Variants in AGBL1 observed in about 807,000 individuals in gnomAD.
The protein encoded by AGBL1 is AGBL carboxypeptidase 1.
A neutral mutation model predicts 118.9 loss-of-function variants in AGBL1; 130 were observed. The ratio of observed to expected loss-of-function variants is 1.09; its 90% CI spans 0.95 to 1.26. The LOEUF is 1.26. AGBL1 is among the 50% of genes most tolerant of loss of function. AGBL1 has a pLI of 0.00. For missense variants in AGBL1, 1,584 were observed against 1,298.1 expected (o/e 1.22, Z -3.38); for synonymous variants, 555 against 478.9 (o/e 1.16, Z -2.08).
Position 86,909,003 on chromosome 15 carries a change from T to A in AGBL1, c.*1709T>A, listed in dbSNP as rs192920852. 5 of 152,386 alleles carry A rather than the reference T, an allele frequency of 3.3e-5. No homozygotes were observed. In the East Asian group the frequency reaches 7.7e-4, roughly 24 times the overall value. The allele number at this position is 152,386 out of a possible 1,614,324, so 9.4% of individuals were successfully genotyped here. A position where few individuals can be genotyped will look rare whatever the true frequency, so the allele number is the denominator to read the frequency against. ...TGCAGTTTTCTGGCTCTACTGTGTGTGCTTCTACTCTTGGTCTAGAATGGC... is the reference window on the plus strand; with the variant it reads ...TGCAGTTTTCTGGCTCTACTGTGTGAGCTTCTACTCTTGGTCTAGAATGGC... On this transcript the variant is annotated 3_prime_UTR_variant, in exon 23 of 23. Transcript: ENST00000614907.
chr15:86,884,824 A>G (rs2079947499), intron 22 of AGBL1, among the ~76,000 whole-genome samples: 1 of 151,924 alleles, frequency 6.6e-6, no homozygotes. Flanking sequence ...AAACAAACAA[A>G]CTATAAAGCA....
chr15:86,888,172 G>T (rs1596594838), intron 22 of AGBL1, among the ~76,000 whole-genome samples: 1 of 151,896 alleles, frequency 6.6e-6, no homozygotes, highest in African/African-American at 2.4e-5. Context: ...GAACTACATG[G>T]ACCAAGACCA....
intron 21 of AGBL1, among the ~76,000 whole-genome samples, chr15:86,628,029 G>A (rs1028277996): frequency 6.6e-6 from 1 of 152,204 alleles, no homozygotes; most frequent in Non-Finnish European, 1.5e-5. Context: ...GGTGTTAAGA[G>A]GGAGTGCCTT....
At chr15:86,199,051 C>T (rs550641119) in intron 5 of AGBL1, among the ~76,000 whole-genome samples, 8 of 152,102 alleles carry the variant, frequency 5.3e-5, no homozygotes, top group African/African-American at 1.2e-4. Flanking sequence ...ACCAAATGCA[C>T]GCATATGTTT....
In AGBL1 at chr15:86,481,483, A is replaced by T. The variant is rs559151404; in HGVS notation, c.2556-41327A>T. On this transcript the variant is annotated intron_variant, in intron 18 of 22. Transcript: ENST00000614907. ...TTATTCTTATAGCTTCTATCTCTGA[A>T]TCCTAAGACATGTTGAGCTTGGGTT... is the stretch of plus-strand genomic sequence containing the variant. Among the ~76,000 whole-genome samples the T allele has an allele frequency of 2.0e-5, 3 of 152,180 alleles. No individual in the cohort carries two copies. In the East Asian group the frequency reaches 5.8e-4, roughly 29 times the overall value.
chr15:86,351,750 A>G (rs1258230155), intron 17 of AGBL1, among the ~76,000 whole-genome samples: 3 of 152,154 alleles, frequency 2.0e-5, no homozygotes, highest in Non-Finnish European at 4.4e-5. Context: ...TCTACCAGAG[A>G]CAAGTAACTT....
intron 17 of AGBL1, among the ~76,000 whole-genome samples, chr15:86,327,727 T>C (rs1353681197): frequency 6.6e-6 from 1 of 152,194 alleles, no homozygotes; most frequent in Non-Finnish European, 1.5e-5. Context: ...GAGACAGGTA[T>C]AAAACTCAGA....
chr15:86,594,183 T>C (rs2084376381), intron 21 of AGBL1, among the ~76,000 whole-genome samples: 1 of 152,130 alleles, frequency 6.6e-6, no homozygotes, highest in South Asian at 2.1e-4. Flanking sequence ...AGTTCTAGGA[T>C]TACAGGAGTG....
At chr15:86,651,693 G>A (rs1255870561) in intron 21 of AGBL1, among the ~76,000 whole-genome samples, 2 of 152,046 alleles carry the variant, frequency 1.3e-5, no homozygotes, top group Non-Finnish European at 2.9e-5. Flanking sequence ...GAAACTTCTT[G>A]ACCCCTCCAT....
At chr15:86,498,647 C>T (rs1173158792) in intron 18 of AGBL1, among the ~76,000 whole-genome samples, 2 of 151,720 alleles carry the variant, frequency 1.3e-5, no homozygotes, top group African/African-American at 4.8e-5. Context: ...TATTTCTATA[C>T]CCATAATTTT....
chr15:86,681,119 G>T (rs2085947199), intron 22 of AGBL1, among the ~76,000 whole-genome samples: 1 of 152,156 alleles, frequency 6.6e-6, no homozygotes, highest in African/African-American at 2.4e-5. Flanking sequence ...TTTGTTATCT[G>T]TTTTCTCACC....
intron 21 of AGBL1, among the ~76,000 whole-genome samples, chr15:86,641,185 A>T (rs1028710730): frequency 6.6e-6 from 1 of 152,070 alleles, no homozygotes; most frequent in East Asian, 1.9e-4. Flanking sequence ...TGTTTTTGAC[A>T]TGTAAATATA....
chr15:86,839,528 C>T (rs577450423), intron 22 of AGBL1, among the ~76,000 whole-genome samples: 4 of 152,260 alleles, frequency 2.6e-5, no homozygotes, highest in East Asian at 1.9e-4. Context: ...TCTCAGCTTT[C>T]GCACTACTGA....
intron 17 of AGBL1, among the ~76,000 whole-genome samples, chr15:86,396,245 A>ATG (rs1567235050): frequency 1.4e-5 from 1 of 69,354 alleles, no homozygotes; most frequent in African/African-American, 4.5e-5. Context: ...GTGTGTGTGT[A>ATG]TATATATATA....
chr15:86,669,967 A>G (rs1347479362), intron 21 of AGBL1, among the ~76,000 whole-genome samples: 1 of 152,170 alleles, frequency 6.6e-6, no homozygotes. Flanking sequence ...CGCATTTTTC[A>G]TATTCTAAAT....
chr15:86,908,612 A>T lies in AGBL1; in HGVS notation c.*1318A>T, dbSNP rs2080311548. ...CTGGAAGGGAGCTGGGAAGGAGATT[A>T]CAGAGGAGCAGAATCTAGGAGGCTG... On this transcript the variant is annotated 3_prime_UTR_variant, in exon 23 of 23. Transcript: ENST00000614907. 1 of 152,252 alleles carries T rather than the reference A, an allele frequency of 6.6e-6. No individual in the cohort carries two copies. The highest frequency in any genetic ancestry group is 1.5e-5 in the Non-Finnish European group (1 of 68,078). The allele number at this position is 152,252 out of a possible 1,614,324, so 9.4% of individuals were successfully genotyped here. A position where few individuals can be genotyped will look rare whatever the true frequency, so the allele number is the denominator to read the frequency against.
intron 22 of AGBL1, among the ~76,000 whole-genome samples, chr15:86,728,373 A>G (rs2086850043): frequency 2.0e-5 from 3 of 152,170 alleles, no homozygotes; most frequent in Admixed American, 1.3e-4. Context: ...TTCTAAAGAA[A>G]TTCTATTCAT....
At chr15:86,674,703 A>C (rs1052082447) in intron 22 of AGBL1, among the ~76,000 whole-genome samples, 4 of 152,138 alleles carry the variant, frequency 2.6e-5, no homozygotes, top group Non-Finnish European at 5.9e-5. Context: ...GCTTGGTGAC[A>C]CACACACAGG....
At chr15:86,754,232 T>C (rs1210294910) in intron 22 of AGBL1, among the ~76,000 whole-genome samples, 2 of 152,130 alleles carry the variant, frequency 1.3e-5, no homozygotes, top group East Asian at 3.9e-4. Context: ...TACTCCAAGT[T>C]TGTGGAAGCA....
Sources: gnomAD v4.1 joint callset for allele counts (sites outside exome capture counted in the v4.1 genomes callset) on GRCh38, gnomAD v4.1.1 for gene constraint, MANE v1.5 for transcripts, NCBI Gene and HGNC (gene_info 2026-07-23, HGNC 2026-07-21) for gene names.